The following TNS3 variants were observed in gnomAD, a reference collection of about 807,000 sequenced individuals.
TNS3 encodes the protein tensin 3.
In TNS3, 45 loss-of-function variants were observed where a neutral mutation model predicts 140.9. The observed-to-expected ratio is 0.32, with a 90% CI of 0.25 to 0.41. TNS3 has a LOEUF of 0.41. TNS3 is among the 10% of genes least tolerant of loss of function. The pLI is 1.00. For synonymous variants in TNS3, 815 were observed against 788.4 expected, an observed-to-expected ratio of 1.03 and a Z score of -0.56; for missense variants, 1,716 against 1,906.7, an observed-to-expected ratio of 0.90 and a Z score of 1.86.
At chr7:47,572,116 G>T (rs1800571223) in intron 1 of TNS3, among the ~76,000 whole-genome samples, 3 of 152,232 alleles carry the variant, frequency 2.0e-5, no homozygotes, top group African/African-American at 7.2e-5. Flanking sequence ...CACCCGACAA[G>T]CTGAGCTGAT....
At chr7:47,441,716 C>T (rs1388350009) in intron 5 of TNS3, among the ~76,000 whole-genome samples, 3 of 152,156 alleles carry the variant, frequency 2.0e-5, no homozygotes, top group African/African-American at 7.2e-5. Flanking sequence ...GCCAGCACAC[C>T]CTGGAGTCTC....
At chr7:47,579,841 T>C (rs1251849720) in intron 1 of TNS3, 2 of 985,306 alleles carry the variant, frequency 2.0e-6, no homozygotes, top group Non-Finnish European at 2.4e-6. Context: ...CCACTCACTG[T>C]TCTTGCCATA....
intron 9 of TNS3, among the ~76,000 whole-genome samples, chr7:47,425,727 C>G (rs2692540): frequency 0.39 from 58,645 of 151,988 alleles, 11,579 homozygotes; most frequent in Non-Finnish European, 0.42. Flanking sequence ...TGTTTATTTT[C>G]TATAGTGATA....
intron 20 of TNS3, among the ~76,000 whole-genome samples, chr7:47,343,805 A>G (rs1012501659): frequency 1.3e-5 from 2 of 152,254 alleles, no homozygotes; most frequent in African/African-American, 2.4e-5. Flanking sequence ...TAACTGCTAT[A>G]TGCTACATAT....
chr7:47,333,954 A>G (rs182761106), intron 20 of TNS3, among the ~76,000 whole-genome samples: 4 of 152,320 alleles, frequency 2.6e-5, no homozygotes, highest in Non-Finnish European at 4.4e-5. Context: ...TTAGATTTAA[A>G]TGATGCTTCC....
intron 16 of TNS3, among the ~76,000 whole-genome samples, chr7:47,387,385 T>C (rs1019869154): frequency 1.3e-5 from 2 of 152,112 alleles, no homozygotes; most frequent in Non-Finnish European, 2.9e-5. Flanking sequence ...ACTCCTAAGG[T>C]CAACGCCAGC....
intron 13 of TNS3, among the ~76,000 whole-genome samples, chr7:47,401,563 C>A (rs1793168166): frequency 6.6e-6 from 1 of 152,124 alleles, no homozygotes; most frequent in Non-Finnish European, 1.5e-5. Flanking sequence ...TTCATGAGGT[C>A]CCCAGGGTGC....
At chr7:47,563,243 G>C (rs1800354735) in intron 1 of TNS3, among the ~76,000 whole-genome samples, 1 of 152,162 alleles carries the variant, frequency 6.6e-6, no homozygotes, top group South Asian at 2.1e-4. Context: ...TCAAACCTAG[G>C]CCAACGACAA....
intron 20 of TNS3, among the ~76,000 whole-genome samples, chr7:47,323,093 T>A (rs148477411): frequency 2.2e-3 from 340 of 152,270 alleles, no homozygotes; most frequent in African/African-American, 7.8e-3. Context: ...GGGCTGGAGG[T>A]ACCGCTCCTC....
intron 20 of TNS3, among the ~76,000 whole-genome samples, chr7:47,333,066 C>T (rs1788431769): frequency 6.6e-6 from 1 of 152,020 alleles, no homozygotes; most frequent in African/African-American, 2.4e-5. Flanking sequence ...TCCAAGCTGG[C>T]CTGCTCCGCG....
Position 47,304,949 on chromosome 7 carries a change from G to A in TNS3, c.2705C>T (p.Pro902Leu). 7.0e-7 allele frequency: 1 copy of A among 1,424,078 alleles called. No individual in the cohort carries two copies. The highest frequency in any genetic ancestry group is 9.3e-7 in the Non-Finnish European group (1 of 1,074,824). 88.2% of individuals were successfully genotyped at this position (1,424,078 alleles called of 1,614,324 possible). A position where few individuals can be genotyped will look rare whatever the true frequency, so the allele number is the denominator to read the frequency against. The change falls in exon 21 of 31, where the codon CCC (proline) becomes CTC (leucine). Residue 902 changes from proline to leucine, a missense_variant. By Grantham distance (98) the Pro-to-Leu change is moderately conservative (BLOSUM62 -3). Coordinates refer to ENST00000311160, the MANE Select transcript of TNS3 (RefSeq NM_022748.12). Reference protein sequence around the residue: ...LTHAVGMSESPIGPKSTMLRA... With the variant: ...LTHAVGMSESLIGPKSTMLRA... Reference sequence around the variant, plus strand: ...GAGCATCGTGGATTTGGGTCCGATGGGGCTCTCTGACATCCCCACAGCGTG... The same window carrying A: ...GAGCATCGTGGATTTGGGTCCGATGAGGCTCTCTGACATCCCCACAGCGTG...
At chr7:47,505,058 C>T (rs1384244810) in intron 3 of TNS3, among the ~76,000 whole-genome samples, 1 of 152,180 alleles carries the variant, frequency 6.6e-6, no homozygotes, top group East Asian at 1.9e-4. Flanking sequence ...ACAGCAGGCT[C>T]ATCTCTGCGG....
chr7:47,414,047 A>T (rs1205676933), intron 11 of TNS3, 50 bp from the exon 12 acceptor site: 1 of 1,596,950 alleles, frequency 6.3e-7, no homozygotes, highest in Admixed American at 1.7e-5. Context: ...TACAGAACGA[A>T]CAGGAATTTG....
chr7:47,409,804 C>T (rs542884316), intron 13 of TNS3, among the ~76,000 whole-genome samples: 5 of 152,246 alleles, frequency 3.3e-5, no homozygotes, highest in African/African-American at 7.2e-5. Context: ...ACTACAGGCA[C>T]GCGCCACCTT....
At chr7:47,454,998 C>A (rs10267981) in intron 4 of TNS3, among the ~76,000 whole-genome samples, 24 of 152,208 alleles carry the variant, frequency 1.6e-4, no homozygotes, top group Admixed American at 1.6e-3. Context: ...CCCACCCAAA[C>A]TCACACAGAT....
chr7:47,370,472 G>A (rs563165986), intron 16 of TNS3, among the ~76,000 whole-genome samples: 3 of 152,282 alleles, frequency 2.0e-5, no homozygotes, highest in East Asian at 3.9e-4. Context: ...TTCCATACAT[G>A]GAATGTCAGG....
Position 47,378,688 on chromosome 7 carries a change from T to A in TNS3, c.1025-9067A>T, listed in dbSNP as rs189367461. On this transcript the variant is annotated intron_variant, in intron 16 of 30. Coordinates refer to ENST00000311160, the MANE Select transcript of TNS3 (RefSeq NM_022748.12). ...CCCAGAAGGGGTATGGATTCTCCTC[T>A]GCTTAACCCACAAGGTTAGGGGGAT... Among the ~76,000 whole-genome samples the A allele has an allele frequency of 1.0e-3, 152 of 152,236 alleles. 1 individual carries two copies. The highest frequency in any genetic ancestry group is 3.4e-3 in the Middle Eastern group (1 of 294).
At chr7:47,417,816 A>G (rs1465892492) in intron 10 of TNS3, among the ~76,000 whole-genome samples, 7 of 152,230 alleles carry the variant, frequency 4.6e-5, no homozygotes, top group Non-Finnish European at 2.9e-5. Flanking sequence ...CCTTTAAAAA[A>G]CATTTTTTAA....
intron 2 of TNS3, among the ~76,000 whole-genome samples, chr7:47,517,047 G>A (rs1798802092): frequency 6.6e-6 from 1 of 152,206 alleles, no homozygotes. Context: ...TGGGCAACAA[G>A]AGCAAAACTC....
Sources: gnomAD v4.1 joint callset for allele counts (sites outside exome capture counted in the v4.1 genomes callset) on GRCh38, gnomAD v4.1.1 for gene constraint, MANE v1.5 for transcripts, NCBI Gene and HGNC (gene_info 2026-07-23, HGNC 2026-07-21) for gene names.